GAS2L1: variants seen among roughly 807,000 people sequenced by gnomAD.
GAS2L1 encodes the protein growth arrest specific 2 like 1.
In GAS2L1, 26 loss-of-function variants were observed where a neutral mutation model predicts 44.0. The ratio of observed to expected loss-of-function variants is 0.59; its 90% CI spans 0.43 to 0.82. GAS2L1 has a LOEUF of 0.82. GAS2L1 is among the 40% of genes least tolerant of loss of function. GAS2L1 has a pLI of 0.00. For synonymous variants in GAS2L1, 426 were observed against 415.9 expected (o/e 1.02, Z -0.30); for missense variants, 1,006 against 983.0 (o/e 1.02, Z -0.31).
chr22:29,312,736 T>TCA (rs1354285426), exon 5 of GAS2L1: 3 of 388,592 alleles, frequency 7.7e-6, no homozygotes, highest in Non-Finnish European at 1.4e-5. Flanking sequence ...CCCGGTGTTC[T>TCA]GAAGACCTGT....
Position 29,312,001 on chromosome 22 carries a change from TG to T in GAS2L1, c.1551del (p.Phe518SerfsTer21). ...CTCGACCCGCAGCAGGAGCAGCAGC[TG>T]TTCCGGCGCCTGGAAGAGGAGTTCC... On this transcript the variant is annotated frameshift_variant, in exon 5 of 5. Transcript: ENST00000618518. LOFTEE classifies it high-confidence loss of function. 1 of 1,611,648 alleles carries T rather than the reference TG, an allele frequency of 6.2e-7. No homozygotes were observed. Among genetic ancestry groups the T allele is most frequent in the East Asian group, 2.2e-5 (1 of 44,888 alleles).
At chr22:29,312,241 C>A in exon 5 of GAS2L1, 1 of 1,612,922 alleles carries the variant, frequency 6.2e-7, no homozygotes, top group Non-Finnish European at 8.5e-7. Flanking sequence ...CGAAGCCAAG[C>A]CCTTTCCAGC....
At chr22:29,312,062 C>T in exon 5 of GAS2L1, 1 of 1,612,704 alleles carries the variant, frequency 6.2e-7, no homozygotes, top group Non-Finnish European at 8.5e-7. Flanking sequence ...CTGTTGCTAG[C>T]GTGACCCCCA....
chr22:29,312,065 G>T, exon 5 of GAS2L1: 1 of 1,612,712 alleles, frequency 6.2e-7, no homozygotes, highest in Non-Finnish European at 8.5e-7. Flanking sequence ...TTGCTAGCGT[G>T]ACCCCCACTG....
intron 2 of GAS2L1, 28 bp downstream of exon 3, chr22:29,310,574 C>A: frequency 6.3e-7 from 1 of 1,586,496 alleles, no homozygotes; most frequent in Non-Finnish European, 8.7e-7. Context: ...CCCCAGCGGG[C>A]AGCAGCCAAG....
chr22:29,311,799 G>A (rs766187832), exon 5 of GAS2L1: 1 of 1,579,896 alleles, frequency 6.3e-7, no homozygotes, highest in Non-Finnish European at 8.5e-7. Flanking sequence ...TGTGCGCAGG[G>A]ATCGAGACGG....
exon 1 of GAS2L1, chr22:29,308,258 C>T: frequency 6.2e-7 from 1 of 1,608,968 alleles, no homozygotes; most frequent in African/African-American, 1.3e-5. Context: ...GTGGCGATGG[C>T]TTCCTGACAG....
At chr22:29,311,243 G>C (rs1045055319) in intron 4 of GAS2L1, 8 of 588,768 alleles carry the variant, frequency 1.4e-5, no homozygotes, top group Admixed American at 6.3e-5. Context: ...TCCTGGGAAG[G>C]GGGGTGTCTA....
exon 5 of GAS2L1, chr22:29,312,362 C>T: frequency 1.2e-6 from 2 of 1,604,362 alleles, no homozygotes; most frequent in South Asian, 1.1e-5. Flanking sequence ...GTCGGATGGA[C>T]ACACAGCCAG....
intron 1 of GAS2L1, among the ~76,000 whole-genome samples, chr22:29,309,746 C>T (rs1280214156): frequency 3.3e-5 from 5 of 152,228 alleles, no homozygotes; most frequent in Non-Finnish European, 5.9e-5. Context: ...ATGGGGCCCC[C>T]TGCACCTGTG....
chr22:29,312,289 G>A (rs775592748), exon 5 of GAS2L1: 2 of 1,609,270 alleles, frequency 1.2e-6, no homozygotes, highest in Non-Finnish European at 1.7e-6. Context: ...GGCATGGGGG[G>A]GCCACTAGAT....
exon 5 of GAS2L1, chr22:29,312,288 G>C: frequency 6.2e-7 from 1 of 1,609,308 alleles, no homozygotes. Flanking sequence ...TGGCATGGGG[G>C]GGCCACTAGA....
chr22:29,308,308 C>T, exon 1 of GAS2L1: 3 of 1,607,916 alleles, frequency 1.9e-6, no homozygotes, highest in Non-Finnish European at 2.5e-6. Flanking sequence ...CATGCCAACG[C>T]CGTGACCGAG....
At chr22:29,310,057 A>C (rs946726113) in intron 1 of GAS2L1, among the ~76,000 whole-genome samples, 1 of 152,038 alleles carries the variant, frequency 6.6e-6, no homozygotes, top group Non-Finnish European at 1.5e-5. Flanking sequence ...AGCCTGACCA[A>C]CATGGAGAAA....
chr22:29,310,579 G>A, intron 2 of GAS2L1, 33 bp downstream of exon 3: 4 of 1,588,368 alleles, frequency 2.5e-6, no homozygotes, highest in Non-Finnish European at 3.5e-6. Flanking sequence ...GCGGGCAGCA[G>A]CCAAGGTGGT....
At chr22:29,311,375 A>G in intron 4 of GAS2L1, 87 bp from the exon 6 acceptor site, 1 of 622,276 alleles carries the variant, frequency 1.6e-6, no homozygotes, top group Non-Finnish European at 2.8e-6. Context: ...TCCACCAGCC[A>G]CATACCCTGC....
intron 1 of GAS2L1, 171 bp from the exon 3 acceptor site, chr22:29,310,267 AT>A (rs1462946241): frequency 1.4e-4 from 54 of 378,618 alleles, no homozygotes; most frequent in African/African-American, 4.6e-4. Flanking sequence ...ATAAAAAAAA[AT>A]AAAAAAAATA....
exon 5 of GAS2L1, chr22:29,311,729 G>A (rs1289637610): frequency 6.5e-6 from 10 of 1,531,938 alleles, no homozygotes; most frequent in Non-Finnish European, 8.7e-6. Context: ...CCCAGCTGTC[G>A]GTCCCCAGCC....
At chr22:29,308,011 G>A in exon 1 of GAS2L1, 1 of 1,014,280 alleles carries the variant, frequency 9.9e-7, no homozygotes, top group Non-Finnish European at 1.4e-6. Context: ...GACTGGTGCA[G>A]GTGGCCAGCA....
Sources: allele counts gnomAD v4.1 joint callset (sites outside exome capture counted in the v4.1 genomes callset), GRCh38; gene constraint gnomAD v4.1.1; transcripts MANE v1.5; gene names NCBI Gene and HGNC (gene_info 2026-07-23, HGNC 2026-07-21).